FYB1: variants seen among roughly 807,000 people sequenced by gnomAD.
FYB1 encodes the protein FYN-binding protein 1.
A neutral mutation model predicts 94.1 loss-of-function variants in FYB1; 41 were observed. The observed-to-expected ratio is 0.44, with a 90% CI of 0.34 to 0.57. The LOEUF (loss-of-function observed/expected upper bound fraction) is 0.57, where lower values mean the gene tolerates loss of function less well. Ranked by LOEUF, FYB1 falls within the 20% of genes least tolerant of loss-of-function variation. FYB1 has a pLI of 0.02. For synonymous variants in FYB1, 367 were observed against 353.2 expected (o/e 1.04, Z -0.44); for missense variants, 1,050 against 976.8 (o/e 1.07, Z -1.00).
Position 39,107,168 on chromosome 5 carries a change from A to G in FYB1, c.*275T>C. ...TATTTACTGGTGGTCTAAAAGAAGT[A>G]CCTTCAACTTCTTCATAATTGTAGC... On this transcript the variant is annotated 3_prime_UTR_variant, in exon 19 of 19. Transcript: ENST00000512982. 4.0e-6 allele frequency: 1 copy of G among 251,588 alleles called. No homozygotes were observed. The highest frequency in any genetic ancestry group is 7.6e-6 in the Non-Finnish European group (1 of 130,752). The allele number at this position is 251,588 out of a possible 1,614,324, so 15.6% of individuals were successfully genotyped here.
intron 2 of FYB1, among the ~76,000 whole-genome samples, chr5:39,192,139 A>G (rs2037335335): frequency 6.6e-6 from 1 of 152,246 alleles, no homozygotes; most frequent in Admixed American, 6.5e-5. Context: ...AGACTGAATC[A>G]TAACACATAC....
intron 2 of FYB1, among the ~76,000 whole-genome samples, chr5:39,194,904 G>A (rs1413698756): frequency 6.6e-6 from 1 of 152,152 alleles, no homozygotes; most frequent in African/African-American, 2.4e-5. Flanking sequence ...GGATTAAGGA[G>A]GGTGGGTGGA....
At chr5:39,108,194 A>G (rs754679142) in intron 18 of FYB1, 37 bp downstream of exon 18, 2 of 1,484,674 alleles carry the variant, frequency 1.3e-6, no homozygotes, top group South Asian at 2.5e-5. Flanking sequence ...TAAATTCACT[A>G]TGACTGTTCT....
At chr5:39,255,934 A>G (rs542163389) in intron 1 of FYB1, among the ~76,000 whole-genome samples, 4 of 152,238 alleles carry the variant, frequency 2.6e-5, no homozygotes, top group Admixed American at 2.0e-4. Context: ...GCTAGCTTCA[A>G]GGAGCCTTGA....
chr5:39,196,255 C>G (rs370498226), intron 2 of FYB1, among the ~76,000 whole-genome samples: 7 of 142,708 alleles, frequency 4.9e-5, no homozygotes, highest in African/African-American at 1.9e-4. Flanking sequence ...GTCACCCAGG[C>G]TGGAGTGCAG....
chr5:39,200,657 G>C (rs1452863735), intron 2 of FYB1, among the ~76,000 whole-genome samples: 1 of 152,224 alleles, frequency 6.6e-6, no homozygotes, highest in African/African-American at 2.4e-5. Context: ...CTTGCTTTCT[G>C]TGTGTTTGAA....
chr5:39,153,460 G>T lies in FYB1; in HGVS notation c.1280C>A (p.Pro427Gln). Residue 427 changes from proline (P) to glutamine (Q), a missense_variant, in exon 3 of 19, where the codon CCG becomes CAG. Physicochemically the swap from Pro to Gln is moderately conservative, Grantham distance 76. Coordinates refer to ENST00000512982, the MANE Select transcript of FYB1 (RefSeq NM_001465.6). The stretch of plus-strand genomic sequence containing the variant: ...ATCTTTTGCTTACTTTAGGTCAAAC[G>T]GAGGTTTAATGTTTCTGGGAGGTAG... ...PSLPPRNIKP[P>Q]FDLKSPVNED... 1 of 1,613,806 alleles carries T rather than the reference G, an allele frequency of 6.2e-7. No homozygotes were observed. Among genetic ancestry groups the T allele is most frequent in the Non-Finnish European group, 8.5e-7 (1 of 1,179,810 alleles).
chr5:39,159,412 T>C (rs1373942381), intron 2 of FYB1, among the ~76,000 whole-genome samples: 1 of 152,200 alleles, frequency 6.6e-6, no homozygotes, highest in Non-Finnish European at 1.5e-5. Flanking sequence ...AGTGGACACT[T>C]AATGGAATCT....
intron 1 of FYB1, among the ~76,000 whole-genome samples, chr5:39,206,776 G>A (rs1748897547): frequency 6.6e-6 from 1 of 152,134 alleles, no homozygotes; most frequent in Non-Finnish European, 1.5e-5. Context: ...TCCTATGTAT[G>A]TTGCTAACCG....
At chr5:39,232,751 T>C (rs1305407809) in intron 1 of FYB1, among the ~76,000 whole-genome samples, 5 of 132,220 alleles carry the variant, frequency 3.8e-5, no homozygotes, top group Admixed American at 8.6e-5. Context: ...CAGAGTGTGA[T>C]ATTCCCCTTC....
At chr5:39,238,662 A>G (rs1406510216) in intron 1 of FYB1, among the ~76,000 whole-genome samples, 4 of 152,098 alleles carry the variant, frequency 2.6e-5, no homozygotes, top group Non-Finnish European at 5.9e-5. Flanking sequence ...TCTGCATACA[A>G]TCTCTACAAC....
intron 1 of FYB1, among the ~76,000 whole-genome samples, chr5:39,249,951 G>C (rs1269441910): frequency 6.6e-6 from 1 of 152,104 alleles, no homozygotes; most frequent in Non-Finnish European, 1.5e-5. Flanking sequence ...TTGGATCATG[G>C]GGGTGGTTTC....
chr5:39,264,914 C>T (rs1752360757), intron 1 of FYB1, among the ~76,000 whole-genome samples: 1 of 152,210 alleles, frequency 6.6e-6, no homozygotes, highest in Non-Finnish European at 1.5e-5. Flanking sequence ...TCCTTCAGAG[C>T]TCAGTGCAAG....
chr5:39,163,578 T>C (rs1744458704), intron 2 of FYB1, among the ~76,000 whole-genome samples: 2 of 152,224 alleles, frequency 1.3e-5, no homozygotes, highest in Admixed American at 1.3e-4. Context: ...AATAACTTTG[T>C]TGGTTATTCA....
rs57277521 is a variant in FYB1, at chr5:39,261,337, GAC to G, written c.-28+13064_-28+13065del. On this transcript the variant is annotated intron_variant, in intron 1 of 1. Coordinates refer to the FYB1 transcript ENST00000510188. ...AAAAAAAAGAACGTGTGTAGATTAA[GAC>G]ACACACACACACACACACACACACA... 6.7e-3 allele frequency among the ~76,000 whole-genome samples: 898 copies of G among 133,858 alleles called. 11 individuals carry two copies. Among genetic ancestry groups the G allele is most frequent in the African/African-American group, 0.022 (777 of 35,410 alleles). The allele number at this position is 133,858 out of a possible 152,430, so 87.8% of individuals were successfully genotyped here. A position where few individuals can be genotyped will look rare whatever the true frequency, so the allele number is the denominator to read the frequency against.
intron 8 of FYB1, 78 bp downstream of exon 8, chr5:39,134,777 G>A (rs976501149): frequency 4.0e-6 from 6 of 1,482,194 alleles, no homozygotes; most frequent in Admixed American, 1.8e-5. Context: ...TGCCTATGAC[G>A]AGTTCTGGAG....
intron 1 of FYB1, among the ~76,000 whole-genome samples, chr5:39,229,947 C>A (rs1485104448): frequency 6.6e-6 from 1 of 152,014 alleles, no homozygotes; most frequent in African/African-American, 2.4e-5. Context: ...GGTGCCTGGG[C>A]ATCTGTACTC....
At chr5:39,250,818 A>G (rs1751683283) in intron 1 of FYB1, 1 of 152,168 alleles carries the variant, frequency 6.6e-6, no homozygotes, top group Non-Finnish European at 1.5e-5. Context: ...TTTCAAAATG[A>G]TATGATATTC....
At chr5:39,226,333 A>C (rs534474295) in intron 1 of FYB1, among the ~76,000 whole-genome samples, 1 of 152,104 alleles carries the variant, frequency 6.6e-6, no homozygotes, top group Non-Finnish European at 1.5e-5. Flanking sequence ...AGGGTTGTCA[A>C]CATGATCTTC....
Sources: gnomAD v4.1 joint callset for allele counts (sites outside exome capture counted in the v4.1 genomes callset) on GRCh38, gnomAD v4.1.1 for gene constraint, MANE v1.5 for transcripts, NCBI Gene and HGNC (gene_info 2026-07-23, HGNC 2026-07-21) for gene names.